The following PXDNL variants were observed in gnomAD, a reference collection of about 807,000 sequenced individuals.
The protein encoded by PXDNL is probable oxidoreductase PXDNL.
A neutral mutation model predicts 150.8 loss-of-function variants in PXDNL; 145 were observed. The ratio of observed to expected loss-of-function variants is 0.96; its 90% CI spans 0.84 to 1.10. PXDNL has a LOEUF of 1.10. Among genes scored for constraint, PXDNL ranks in the 50% least tolerant of loss-of-function variants. The pLI is 0.00. For missense variants in PXDNL, 2,087 were observed against 1,873.9 expected, an observed-to-expected ratio of 1.11 and a Z score of -2.10; for synonymous variants, 757 against 725.7, an observed-to-expected ratio of 1.04 and a Z score of -0.69.
At chr8:51,415,498 C>G (rs1269114124) in intron 14 of PXDNL, among the ~76,000 whole-genome samples, 1 of 152,112 alleles carries the variant, frequency 6.6e-6, no homozygotes, top group Non-Finnish European at 1.5e-5. Context: ...AGAATTCACT[C>G]ATTATCACAA....
chr8:51,553,752 AT>A (rs1812543532), intron 4 of PXDNL, among the ~76,000 whole-genome samples: 1 of 103,468 alleles, frequency 9.7e-6, no homozygotes, highest in South Asian at 2.8e-4. Flanking sequence ...ATATATATAT[AT>A]ATATATATAT....
At chr8:51,393,161 A>G (rs550242568) in intron 17 of PXDNL, among the ~76,000 whole-genome samples, 1 of 152,290 alleles carries the variant, frequency 6.6e-6, no homozygotes, top group East Asian at 1.9e-4. Flanking sequence ...TACTTAGAGA[A>G]TGTTTTTTCT....
Position 51,472,167 on chromosome 8 carries a change from T to A in PXDNL, c.812+20A>T, listed in dbSNP as rs77673093. The stretch of plus-strand genomic sequence containing the variant: ...GAATCAGAAGGAGAATCACAACCCA[T>A]GTCCATGCTCAGTATTTACTTGTTG... On this transcript the variant is annotated intron_variant, in intron 8 of 22. Transcript: ENST00000356297. 2 of 1,489,584 alleles carry A rather than the reference T, an allele frequency of 1.3e-6. No individual in the cohort carries two copies. Among genetic ancestry groups the A allele is most frequent in the African/African-American group, 2.8e-5 (2 of 72,626 alleles). 92.3% of individuals were successfully genotyped at this position (1,489,584 alleles called of 1,614,324 possible). A position where few individuals can be genotyped will look rare whatever the true frequency, so the allele number is the denominator to read the frequency against.
intron 4 of PXDNL, among the ~76,000 whole-genome samples, chr8:51,509,261 T>C (rs1416175469): frequency 6.6e-6 from 1 of 152,204 alleles, no homozygotes; most frequent in Non-Finnish European, 1.5e-5. Flanking sequence ...ACAACATTTA[T>C]GTGTCAAATA....
At chr8:51,631,330 A>G (rs1234971486) in intron 2 of PXDNL, among the ~76,000 whole-genome samples, 1 of 152,166 alleles carries the variant, frequency 6.6e-6, no homozygotes, top group Non-Finnish European at 1.5e-5. Flanking sequence ...CCTATTGGGT[A>G]TGATGCTCAT....
In PXDNL at chr8:51,644,462, T is replaced by C. The variant is rs1814871260; in HGVS notation, c.236+10227A>G. On this transcript the variant is annotated intron_variant, in intron 2 of 22. Coordinates refer to ENST00000356297, the MANE Select transcript of PXDNL (RefSeq NM_144651.5). ...TGTATATATATATGGGTTGTTTTTG[T>C]TTTTGTTTTTGTTTTGAGACGGAGT... Among the ~76,000 whole-genome samples the C allele has an allele frequency of 2.6e-4, 31 of 121,478 alleles. No individual in the cohort carries two copies. In the South Asian group the frequency reaches 8.9e-3, roughly 35 times the overall value. The allele number at this position is 121,478 out of a possible 152,430, so 79.7% of individuals were successfully genotyped here.
At chr8:51,650,101 C>CA (rs11451376) in intron 2 of PXDNL, among the ~76,000 whole-genome samples, 25,728 of 113,294 alleles carry the variant, frequency 0.23, 4,441 homozygotes, top group African/African-American at 0.48. Context: ...GACTTTGTCT[C>CA]AAAAAAAAAA....
intron 1 of PXDNL, among the ~76,000 whole-genome samples, chr8:51,767,784 T>TG (rs1455777507): frequency 1.3e-5 from 2 of 152,250 alleles, no homozygotes; most frequent in Admixed American, 1.3e-4. Context: ...GCCGTCCTCT[T>TG]GTTTGCCCTA....
chr8:51,765,127 C>T (rs547481894), intron 1 of PXDNL, among the ~76,000 whole-genome samples: 6 of 152,238 alleles, frequency 3.9e-5, no homozygotes, highest in East Asian at 3.9e-4. Context: ...ACTACTTGCA[C>T]GGTTGATATG....
At chr8:51,483,038 A>G (rs1299930099) in intron 6 of PXDNL, among the ~76,000 whole-genome samples, 1 of 152,168 alleles carries the variant, frequency 6.6e-6, no homozygotes. Context: ...GGGGTGGGTA[A>G]CCACAAAATA....
chr8:51,731,881 G>A (rs546415234), intron 1 of PXDNL, among the ~76,000 whole-genome samples: 1 of 152,294 alleles, frequency 6.6e-6, no homozygotes, highest in South Asian at 2.1e-4. Context: ...CACAGCAAGG[G>A]GCCCGGAACC....
At chr8:51,581,280 A>G (rs1314945977) in intron 3 of PXDNL, among the ~76,000 whole-genome samples, 1 of 152,120 alleles carries the variant, frequency 6.6e-6, no homozygotes, top group African/African-American at 2.4e-5. Flanking sequence ...TGAGCTCAGG[A>G]GTTCAAGACC....
chr8:51,544,411 C>T lies in PXDNL; in HGVS notation c.380+12429G>A, dbSNP rs146048318. Among the ~76,000 whole-genome samples, 5 of 152,288 alleles carry T rather than the reference C, an allele frequency of 3.3e-5. No individual in the cohort carries two copies. In the East Asian group the frequency reaches 7.7e-4, roughly 24 times the overall value. On this transcript the variant is annotated intron_variant, in intron 4 of 22. Transcript: ENST00000356297. ...ACTCCTCCCTATGCTATCTTCTGCA[C>T]TGACACAATCAATATAACATCAGGT...
intron 4 of PXDNL, among the ~76,000 whole-genome samples, chr8:51,503,334 T>C (rs1257728155): frequency 6.6e-6 from 1 of 152,238 alleles, no homozygotes; most frequent in Non-Finnish European, 1.5e-5. Context: ...CTGTTGATTA[T>C]AGTGCAAGCA....
At chr8:51,655,671 G>C (rs1180061499) in intron 1 of PXDNL, among the ~76,000 whole-genome samples, 1 of 152,164 alleles carries the variant, frequency 6.6e-6, no homozygotes, top group Admixed American at 6.6e-5. Flanking sequence ...CGGGCATACT[G>C]TTTCTTCCAT....
At chr8:51,326,545 A>G (rs967787269) in intron 21 of PXDNL, among the ~76,000 whole-genome samples, 1 of 152,044 alleles carries the variant, frequency 6.6e-6, no homozygotes, top group African/African-American at 2.4e-5. Context: ...AAATACATCT[A>G]CTCGGCCTTC....
At chr8:51,355,055 T>C (rs1439733670) in intron 19 of PXDNL, among the ~76,000 whole-genome samples, 1 of 152,190 alleles carries the variant, frequency 6.6e-6, no homozygotes, top group African/African-American at 2.4e-5. Flanking sequence ...GATGTCCTTA[T>C]GGTGTTCTAT....
In PXDNL at chr8:51,499,739, G is replaced by T; in HGVS notation, c.412C>A (p.Gln138Lys). The part of the protein sequence containing the change: ...YIHFNQLEML[Q>K]PETFGDLLRL... ...AGAAGGTCTCCAAAGGTCTCTGGCT[G>T]TAGCATTTCTAGTTGGTTGAAATGA... The change falls in exon 5 of 23, where the codon CAG becomes AAG. Residue 138 changes from glutamine (Q) to lysine (K), a missense_variant. By Grantham distance (53) the Gln-to-Lys change is moderately conservative (BLOSUM62 1). Coordinates refer to ENST00000356297, the MANE Select transcript of PXDNL (RefSeq NM_144651.5). The T allele has an allele frequency of 6.2e-7, 1 of 1,613,506 alleles. No individual in the cohort carries two copies. Among genetic ancestry groups the T allele is most frequent in the Non-Finnish European group, 8.5e-7 (1 of 1,179,508 alleles).
rs186923412 is a variant in PXDNL, at chr8:51,652,011, C to A, written c.236+2678G>T. ...GCAAGCTCTGTTTAATACAAAAATG[C>A]CAACTGTTTTTGAGAAAACCCTCTC... On this transcript the variant is annotated intron_variant, in intron 2 of 22. Transcript: ENST00000356297. 1.5e-4 allele frequency among the ~76,000 whole-genome samples: 23 copies of A among 152,154 alleles called. No homozygotes were observed. In the East Asian group the frequency reaches 4.4e-3, roughly 29 times the overall value.
Sources: allele counts gnomAD v4.1 joint callset (sites outside exome capture counted in the v4.1 genomes callset), GRCh38; gene constraint gnomAD v4.1.1; transcripts MANE v1.5; gene names NCBI Gene and HGNC (gene_info 2026-07-23, HGNC 2026-07-21).